Variants in ALK observed in about 807,000 individuals in gnomAD.
ALK encodes ALK tyrosine kinase receptor.
Under a neutral mutation model 163.1 loss-of-function variants are expected in ALK, and 74 were observed. That is an observed-to-expected ratio of 0.45 (90% CI 0.38 to 0.55). The LOEUF (loss-of-function observed/expected upper bound fraction) is 0.55, where lower values mean the gene tolerates loss of function less well. Ranked by LOEUF, ALK falls within the 20% of genes least tolerant of loss-of-function variation. The probability of loss-of-function intolerance (pLI) is 0.00; values close to 1 mark genes in which losing one functional copy is unlikely to be tolerated. For missense variants in ALK, 2,063 were observed against 2,105.3 expected, an observed-to-expected ratio of 0.98 and a Z score of 0.39; for synonymous variants, 960 against 843.2, an observed-to-expected ratio of 1.14 and a Z score of -2.40.
chr2:29,239,932 G>A, intron 12 of ALK, 102 bp from the exon 13 acceptor site: 1 of 1,367,764 alleles, frequency 7.3e-7, no homozygotes, highest in Non-Finnish European at 9.9e-7. Flanking sequence ...TCGCCATCGT[G>A]GTCTGAGGGT....
At chr2:29,554,632 A>G (rs1290639720) in intron 3 of ALK, among the ~76,000 whole-genome samples, 1 of 152,174 alleles carries the variant, frequency 6.6e-6, no homozygotes, top group Non-Finnish European at 1.5e-5. Flanking sequence ...TGGTGGCAAT[A>G]AATGGCTGGA....
At chr2:29,198,257 C>T (rs1669073321) in intron 26 of ALK, among the ~76,000 whole-genome samples, 1 of 151,974 alleles carries the variant, frequency 6.6e-6, no homozygotes, top group Non-Finnish European at 1.5e-5. Context: ...ATCAGATGCC[C>T]ACTCATCAAC....
At chr2:29,704,833 C>G (rs1169042124) in intron 2 of ALK, among the ~76,000 whole-genome samples, 1 of 152,112 alleles carries the variant, frequency 6.6e-6, no homozygotes, top group Non-Finnish European at 1.5e-5. Context: ...AGGAAGCCTC[C>G]CAGCTCCAGG....
chr2:29,836,597 C>T (rs1292297670), intron 1 of ALK, among the ~76,000 whole-genome samples: 1 of 152,224 alleles, frequency 6.6e-6, no homozygotes, highest in African/African-American at 2.4e-5. Flanking sequence ...AGTGTAATAT[C>T]ACCTTAAGCC....
intron 3 of ALK, among the ~76,000 whole-genome samples, chr2:29,658,498 A>G (rs1457708676): frequency 1.3e-5 from 2 of 152,194 alleles, no homozygotes; most frequent in Non-Finnish European, 2.9e-5. Flanking sequence ...CATGTCAACT[A>G]CTTGCCAAAT....
intron 1 of ALK, among the ~76,000 whole-genome samples, chr2:29,786,481 G>A (rs1330146449): frequency 6.6e-6 from 1 of 152,196 alleles, no homozygotes; most frequent in African/African-American, 2.4e-5. Context: ...AGCAATCAAT[G>A]TTATACCTAG....
intron 4 of ALK, among the ~76,000 whole-genome samples, chr2:29,485,413 A>ATCTACCTG (rs1553321403): frequency 6.6e-6 from 1 of 152,178 alleles, no homozygotes; most frequent in Non-Finnish European, 1.5e-5. Flanking sequence ...TCTTTTCCAT[A>ATCTACCTG]TCTACCTGTT....
At chr2:29,209,928 T>C (rs1210372401) in intron 24 of ALK, 50 bp from the exon 25 acceptor site, 1 of 1,445,770 alleles carries the variant, frequency 6.9e-7, no homozygotes. Flanking sequence ...GGAAGATGAG[T>C]GTACAACGGC....
chr2:29,242,940 G>T (rs992392561), intron 12 of ALK, among the ~76,000 whole-genome samples: 3 of 152,204 alleles, frequency 2.0e-5, no homozygotes, highest in Non-Finnish European at 2.9e-5. Flanking sequence ...AAGTCAGGGG[G>T]AGCAGGCAGC....
chr2:29,500,027 G>A (rs1672126927), intron 4 of ALK, among the ~76,000 whole-genome samples: 1 of 151,256 alleles, frequency 6.6e-6, no homozygotes, highest in African/African-American at 2.4e-5. Context: ...AAGGTTGGAT[G>A]GTGCCCACTC....
intron 8 of ALK, among the ~76,000 whole-genome samples, chr2:29,306,579 GTGC>G (rs1666514202): frequency 6.6e-6 from 1 of 152,156 alleles, no homozygotes; most frequent in Non-Finnish European, 1.5e-5. Context: ...AAATACTTTC[GTGC>G]TGGAGAAATT....
chr2:29,314,882 T>G (rs946801305), intron 8 of ALK, among the ~76,000 whole-genome samples: 1 of 152,114 alleles, frequency 6.6e-6, no homozygotes, highest in Non-Finnish European at 1.5e-5. Flanking sequence ...TGCTCTTTAT[T>G]ACCAGCGGCT....
At chr2:29,444,571 T>A (rs370054058) in intron 4 of ALK, among the ~76,000 whole-genome samples, 2 of 152,092 alleles carry the variant, frequency 1.3e-5, no homozygotes, top group Non-Finnish European at 2.9e-5. Context: ...CATTATGGGA[T>A]CCTTTATACA....
intron 4 of ALK, among the ~76,000 whole-genome samples, chr2:29,502,099 G>T (rs1470896347): frequency 6.6e-6 from 1 of 152,078 alleles, no homozygotes; most frequent in East Asian, 1.9e-4. Flanking sequence ...AATTTTTAAT[G>T]AGCTCCTCTT....
chr2:29,698,538 A>G (rs967097130), intron 2 of ALK, among the ~76,000 whole-genome samples: 5 of 152,178 alleles, frequency 3.3e-5, no homozygotes, highest in African/African-American at 9.7e-5. Context: ...CCAATGAAAG[A>G]TGACCTGTTT....
intron 23 of ALK, among the ~76,000 whole-genome samples, chr2:29,218,607 C>T (rs1253228570): frequency 1.3e-5 from 2 of 152,176 alleles, no homozygotes; most frequent in African/African-American, 4.8e-5. Flanking sequence ...CACACCACTC[C>T]TCACTCCTGC....
chr2:29,777,244 A>C (rs1388442541), intron 1 of ALK, among the ~76,000 whole-genome samples: 1 of 152,142 alleles, frequency 6.6e-6, no homozygotes, highest in Non-Finnish European at 1.5e-5. Context: ...TTTGCAATGT[A>C]CTATTATTTT....
chr2:29,231,448 GA>G, intron 15 of ALK, among the ~76,000 whole-genome samples: 1 of 152,336 alleles, frequency 6.6e-6, no homozygotes, highest in African/African-American at 2.4e-5. Context: ...TGTAAAACAG[GA>G]ATGGTATCTG....
intron 1 of ALK, among the ~76,000 whole-genome samples, chr2:29,913,378 C>T (rs1438569797): frequency 1.3e-5 from 2 of 152,174 alleles, no homozygotes; most frequent in Non-Finnish European, 2.9e-5. Flanking sequence ...CCTCCAACCT[C>T]CTCCACTACC....
Sources: allele counts gnomAD v4.1 joint callset (sites outside exome capture counted in the v4.1 genomes callset), GRCh38; gene constraint gnomAD v4.1.1; transcripts MANE v1.5; gene names NCBI Gene and HGNC (gene_info 2026-07-23, HGNC 2026-07-21).